The following STT3A variants were observed in gnomAD, a reference collection of about 807,000 sequenced individuals.
The protein encoded by STT3A is STT3 oligosaccharyltransferase complex catalytic subunit A.
Under a neutral mutation model 89.2 loss-of-function variants are expected in STT3A, and 34 were observed. That is an observed-to-expected ratio of 0.38 (90% CI 0.29 to 0.51). The LOEUF (loss-of-function observed/expected upper bound fraction) is 0.51. STT3A is among the 20% of genes least tolerant of loss of function. The pLI, the probability that STT3A is intolerant of heterozygous loss-of-function variation, is 0.89. For missense variants in STT3A, 555 were observed against 889.5 expected, an observed-to-expected ratio of 0.62 and a Z score of 4.78; for synonymous variants, 282 against 310.3, an observed-to-expected ratio of 0.91 and a Z score of 0.96.
rs1939627757 is a variant in STT3A, at chr11:125,600,121, G to T, written c.150-2182G>T. On this transcript the variant is annotated intron_variant, in intron 3 of 17. Coordinates refer to ENST00000392708, the MANE Select transcript of STT3A (RefSeq NM_152713.5). The stretch of plus-strand genomic sequence containing the variant: ...GCTGGAGTGCAATGGCACAATCTCA[G>T]CTCACCACAACCTCTGCCTCCCGGG... 4.7e-5 allele frequency among the ~76,000 whole-genome samples: 7 copies of T among 149,404 alleles called. No individual in the cohort carries two copies. In the South Asian group the frequency reaches 1.5e-3, roughly 32 times the overall value.
Position 125,614,221 on chromosome 11 carries a change from T to C in STT3A, c.1671+18T>C, listed in dbSNP as rs770429945. On this transcript the variant is annotated intron_variant, in intron 14 of 17. Coordinates refer to ENST00000392708, the MANE Select transcript of STT3A (RefSeq NM_152713.5). The surrounding 1 kb of genome is among the most constrained non-coding windows in gnomAD (Gnocchi z 4.9). ...TAGGGCAGGTAAGATAAAGGGATGA[T>C]CTTTGAGTGTTTGGTGTACAAGGTC... 5.0e-6 allele frequency: 8 copies of C among 1,613,122 alleles called. No individual in the cohort carries two copies. In the South Asian group the frequency reaches 7.7e-5, roughly 15 times the overall value.
At chr11:125,600,645 T>A (rs1158445896) in intron 3 of STT3A, among the ~76,000 whole-genome samples, 1 of 152,136 alleles carries the variant, frequency 6.6e-6, no homozygotes, top group Non-Finnish European at 1.5e-5. Flanking sequence ...TTACAGGTGT[T>A]ATCTACCTCA....
intron 5 of STT3A, 88 bp from the exon 6 acceptor site, chr11:125,604,069 C>T (rs1043530399): frequency 7.4e-7 from 1 of 1,358,544 alleles, no homozygotes; most frequent in Non-Finnish European, 1.0e-6. Flanking sequence ...TTTCTGGGCT[C>T]ATTATAAACA....
chr11:125,604,105 T>C, intron 5 of STT3A, 52 bp from the exon 6 acceptor site: 1 of 1,586,072 alleles, frequency 6.3e-7, no homozygotes, highest in Non-Finnish European at 8.6e-7. Context: ...TCCTCTGTTC[T>C]TTCTCAGCAT....
Position 125,608,133 on chromosome 11 carries a change from G to A in STT3A, c.805G>A (p.Ala269Thr), listed in dbSNP as rs952948983. 9 of 1,611,292 alleles carry A rather than the reference G, an allele frequency of 5.6e-6. No individual in the cohort carries two copies. Among genetic ancestry groups the A allele is most frequent in the Admixed American group, 3.4e-5 (2 of 59,210 alleles). ...FQPVLSSEHM[A>T]AFGVFGLCQI... The stretch of plus-strand genomic sequence containing the variant: ...GCCTGTCCTTTCATCAGAGCACATG[G>A]CAGCCTTTGGGGTCTTTGGTCTCTG... Residue 269 changes from alanine to threonine, a missense_variant, in exon 9 of 18, where the codon GCA becomes ACA. Ala to Thr is a moderately conservative substitution (Grantham distance 58). Around this residue, in one of 5 missense-constraint regions of STT3A, gnomAD observed 149 missense variants for 206.2 expected, o/e 0.72. Transcript: ENST00000392708.
Position 125,621,101 on chromosome 11 carries a change from G to T in STT3A, c.*291G>T. 1 of 288,942 alleles carries T rather than the reference G, an allele frequency of 3.5e-6. No homozygotes were observed. Among genetic ancestry groups the T allele is most frequent in the Non-Finnish European group, 6.4e-6 (1 of 155,580 alleles). 17.9% of individuals were successfully genotyped at this position (288,942 alleles called of 1,614,324 possible). A position where few individuals can be genotyped will look rare whatever the true frequency, so the allele number is the denominator to read the frequency against. On this transcript the variant is annotated 3_prime_UTR_variant, in exon 18 of 18. Transcript: ENST00000392708. ...GTTTTGACTTATAACTGATTTGAGG[G>T]AGGCAAAAGCTATGCTAGGCTGCCA...
At chr11:125,609,842 G>A (rs140130230) in intron 10 of STT3A, 36 of 418,354 alleles carry the variant, frequency 8.6e-5, no homozygotes, top group African/African-American at 4.5e-4. Context: ...AAAATTTAAC[G>A]GTAATTTTTA....
rs3781764 is a variant in STT3A at position 125,602,147 on chromosome 11, G to C, written c.150-156G>C. Among the ~76,000 whole-genome samples the C allele has an allele frequency of 0.28, 42,445 of 152,052 alleles. 6,124 individuals are homozygous for C. The highest frequency in any genetic ancestry group is 0.41 in the East Asian group (2,097 of 5,152). ...TTTAGTTGAGACAAGCATGGAGATAGAAGTAAACAGACTTATGGTAGTGTA... is the reference window on the plus strand; with the variant it reads ...TTTAGTTGAGACAAGCATGGAGATACAAGTAAACAGACTTATGGTAGTGTA... On this transcript the variant is annotated intron_variant, in intron 3 of 17. Coordinates refer to ENST00000392708, the MANE Select transcript of STT3A (RefSeq NM_152713.5).
chr11:125,621,021 G>A lies in STT3A; in HGVS notation c.*211G>A. 1 of 446,538 alleles carries A rather than the reference G, an allele frequency of 2.2e-6. No individual in the cohort carries two copies. The allele number at this position is 446,538 out of a possible 1,614,324, so 27.7% of individuals were successfully genotyped here. On this transcript the variant is annotated 3_prime_UTR_variant, in exon 18 of 18. Transcript: ENST00000392708. ...AACAGGTTACCAAATGAAATGTCAT[G>A]GCTTTACTTTGGTCAATTAAAGGGG...
chr11:125,597,052 T>G lies in STT3A; in HGVS notation c.89-7T>G. 1 of 1,614,096 alleles carries G rather than the reference T, an allele frequency of 6.2e-7. No individual in the cohort carries two copies. On this transcript the variant is annotated splice_region_variant and splice_polypyrimidine_tract_variant and intron_variant, in intron 2 of 17. Coordinates refer to ENST00000392708, the MANE Select transcript of STT3A (RefSeq NM_152713.5). ...CCAATAAAATATTAACTCTCTGGTT[T>G]TTGCAGCCTTCTCCACTCGTCTGTT...
chr11:125,594,932 T>C (rs970304521), intron 1 of STT3A: 1 of 152,204 alleles, frequency 6.6e-6, no homozygotes, highest in Non-Finnish European at 1.5e-5. Flanking sequence ...TACAGTCTGA[T>C]ATATGGGATG....
At position 125,614,164 on chromosome 11, in the gene STT3A, T is replaced by C; in HGVS notation, c.1632T>C (p.Asn544=). 6.2e-7 allele frequency: 1 copy of C among 1,614,138 alleles called. No homozygotes were observed. The highest frequency in any genetic ancestry group is 8.5e-7 in the Non-Finnish European group (1 of 1,180,024). The change falls in exon 14 of 18, where the codon AAT becomes AAC. Residue 544 remains asparagine (N), a synonymous_variant. Coordinates refer to ENST00000392708, the MANE Select transcript of STT3A (RefSeq NM_152713.5). The surrounding 1 kb of genome is among the most constrained non-coding windows in gnomAD (Gnocchi z 4.9). The stretch of plus-strand genomic sequence containing the variant: ...CAAACCGAACAATTTTAGTGGACAA[T>C]AACACATGGAATAATACCCATATTT... ...AMANRTILVD[N]NTWNNTHISR... is the part of the protein sequence containing the mutation.
At chr11:125,595,178 T>C (rs1367080350) in intron 1 of STT3A, among the ~76,000 whole-genome samples, 2 of 151,930 alleles carry the variant, frequency 1.3e-5, no homozygotes, top group African/African-American at 4.8e-5. Context: ...TTTTTTTTTT[T>C]TCCTTTTTAA....
intron 3 of STT3A, among the ~76,000 whole-genome samples, chr11:125,598,484 A>C (rs1029311017): frequency 3.3e-5 from 5 of 152,202 alleles, no homozygotes; most frequent in African/African-American, 1.2e-4. Flanking sequence ...CTATTTGCAA[A>C]TTTATAATTT....
At chr11:125,619,831 G>GC (rs1940295624) in intron 16 of STT3A, among the ~76,000 whole-genome samples, 180 bp from the exon 17 acceptor site, 1 of 152,156 alleles carries the variant, frequency 6.6e-6, no homozygotes, top group South Asian at 2.1e-4. Context: ...TAGAACTTAA[G>GC]CTAGGGTAAC....
Position 125,620,871 on chromosome 11 carries a change from T to A in STT3A, c.*61T>A. The A allele has an allele frequency of 2.2e-5, 3 of 136,292 alleles. No homozygotes were observed. Among genetic ancestry groups the A allele is most frequent in the Middle Eastern group, 1.8e-3 (1 of 542 alleles). 8.4% of individuals were successfully genotyped at this position (136,292 alleles called of 1,614,324 possible). ...CACATCACATTTAGGACGTTGAAGA[T>A]TTTTTTTTTTTTTTTTTTTTAATAT... is the stretch of plus-strand genomic sequence containing the variant. On this transcript the variant is annotated 3_prime_UTR_variant, in exon 18 of 18. Coordinates refer to ENST00000392708, the MANE Select transcript of STT3A (RefSeq NM_152713.5).
At position 125,603,006 on chromosome 11, in the gene STT3A, C is replaced by T. The variant is rs562899030; in HGVS notation, c.417+58C>T. On this transcript the variant is annotated intron_variant, in intron 5 of 17. Coordinates refer to ENST00000392708, the MANE Select transcript of STT3A (RefSeq NM_152713.5). ...ATGAATGTTATTGAGCCTCTCTAAT[C>T]GATGCTGGAGGGTGGGGGACAGAGC... 5 of 1,598,890 alleles carry T rather than the reference C, an allele frequency of 3.1e-6. No individual in the cohort carries two copies. In the South Asian group the frequency reaches 3.4e-5, roughly 11 times the overall value.
intron 6 of STT3A, among the ~76,000 whole-genome samples, chr11:125,605,152 G>C (rs1009432120): frequency 1.3e-5 from 2 of 151,116 alleles, no homozygotes; most frequent in Admixed American, 1.3e-4. Flanking sequence ...AAAAAAAGCA[G>C]ACTGGAGAAT....
At chr11:125,608,514 C>A in intron 9 of STT3A, 2 of 369,022 alleles carry the variant, frequency 5.4e-6, no homozygotes, top group Non-Finnish European at 9.7e-6. Context: ...TTAGTAGAGA[C>A]GGGGTTTCTC....
Sources: gnomAD v4.1 joint callset for allele counts (sites outside exome capture counted in the v4.1 genomes callset) on GRCh38, gnomAD v4.1.1 for gene constraint, gnomAD v4.1.1 regional missense constraint, Gnocchi (gnomAD v3.1) non-coding constraint, MANE v1.5 for transcripts, NCBI Gene and HGNC (gene_info 2026-07-23, HGNC 2026-07-21) for gene names.